The following COL5A2 variants were observed in gnomAD, a reference collection of about 807,000 sequenced individuals.
COL5A2 encodes collagen alpha-2(V) chain.
Under a neutral mutation model 208.2 loss-of-function variants are expected in COL5A2, and 23 were observed. The observed-to-expected ratio is 0.11, with a 90% CI of 0.08 to 0.16. The LOEUF is 0.16. Ranked by LOEUF, COL5A2 falls within the 10% of genes least tolerant of loss-of-function variation. The pLI is 1.00. For synonymous variants in COL5A2, 625 were observed against 628.5 expected, an observed-to-expected ratio of 0.99 and a Z score of 0.08; for missense variants, 1,590 against 1,956.4, an observed-to-expected ratio of 0.81 and a Z score of 3.53.
chr2:189,057,463 A>C (rs1465991625), intron 33 of COL5A2, 36 bp from the exon 34 acceptor site: 1 of 1,452,046 alleles, frequency 6.9e-7, no homozygotes, highest in East Asian at 2.3e-5. Flanking sequence ...CATACCAATA[A>C]TATTAAGATT....
chr2:189,054,598 TATA>T (rs757022226), intron 35 of COL5A2, among the ~76,000 whole-genome samples: 3 of 152,028 alleles, frequency 2.0e-5, no homozygotes, highest in African/African-American at 4.8e-5. Flanking sequence ...TTCTTTTGCA[TATA>T]ATATTATATT....
chr2:189,271,637 AC>A, the COL5A2 span, among the ~76,000 whole-genome samples: 17 of 152,346 alleles, frequency 1.1e-4, no homozygotes, highest in African/African-American at 4.1e-4. Flanking sequence ...AGCAATGGCG[AC>A]AAAAGCCAAA....
chr2:189,045,228 G>A lies in COL5A2; in HGVS notation c.3314C>T (p.Ser1105Phe). Residue 1105 changes from serine (S) to phenylalanine (F), a missense_variant, in exon 47 of 54, where the codon TCT (serine) becomes TTT (phenylalanine). By Grantham distance (155) the Ser-to-Phe change is radical. Coordinates refer to ENST00000374866, the MANE Select transcript of COL5A2 (RefSeq NM_000393.5). ...GDAGQRGDPG[S>F]RGPIGPPGRA... Reference sequence around the variant, plus strand: ...ACCAGGTGGTCCTATAGGACCCCGAGAACCCTAAAAGAAATTTACAACAAA... The same window carrying A: ...ACCAGGTGGTCCTATAGGACCCCGAAAACCCTAAAAGAAATTTACAACAAA... The A allele has an allele frequency of 6.2e-7, 1 of 1,606,806 alleles. No individual in the cohort carries two copies. The highest frequency in any genetic ancestry group is 8.5e-7 in the Non-Finnish European group (1 of 1,176,368).
Position 189,066,392 on chromosome 2 carries a change from T to C in COL5A2, c.1561A>G (p.Arg521Gly). ...TVGPPGPVGE[R>G]GAPGNRGFPG... The stretch of plus-strand genomic sequence containing the variant: ...TGTGTTGTATTATTTAAATTTACCC[T>C]TTCTCCCACTGGCCCTGGAGGACCA... The change falls in exon 23 of 54, where the codon AGG becomes GGG. Residue 521 changes from arginine (R) to glycine (G), a missense_variant and splice_region_variant. By Grantham distance (125) the Arg-to-Gly change is moderately radical. Transcript: ENST00000374866. The C allele has an allele frequency of 1.2e-6, 2 of 1,612,760 alleles. No homozygotes were observed. Among genetic ancestry groups the C allele is most frequent in the South Asian group, 1.1e-5 (1 of 91,048 alleles).
chr2:189,216,060 TC>T (rs1234305935), intron 1 of COL5A2, among the ~76,000 whole-genome samples: 1 of 152,066 alleles, frequency 6.6e-6, no homozygotes, highest in Non-Finnish European at 1.5e-5. Context: ...AAGAACTCAT[TC>T]CTCCTATAAA....
chr2:189,099,198 A>G (rs1423479195), intron 4 of COL5A2, among the ~76,000 whole-genome samples: 2 of 152,244 alleles, frequency 1.3e-5, no homozygotes, highest in Non-Finnish European at 1.5e-5. Flanking sequence ...AAGACATAGT[A>G]AGCACACATA....
chr2:189,245,218 T>A, the COL5A2 span, among the ~76,000 whole-genome samples: 1 of 152,162 alleles, frequency 6.6e-6, no homozygotes, highest in Non-Finnish European at 1.5e-5. Flanking sequence ...TTGAGAGCAG[T>A]GTTCACGCTT....
intron 9 of COL5A2, 42 bp downstream of exon 9, chr2:189,086,684 A>T: frequency 6.8e-7 from 1 of 1,461,512 alleles, no homozygotes; most frequent in South Asian, 1.2e-5. Context: ...GTGTGTGTGT[A>T]TGTTTTTCTT....
the COL5A2 span, among the ~76,000 whole-genome samples, chr2:189,408,352 C>T: frequency 2.0e-5 from 3 of 152,128 alleles, no homozygotes; most frequent in Non-Finnish European, 1.5e-5. Context: ...GCCATACACC[C>T]AGTTTTGATT....
chr2:189,032,903 A>G lies in COL5A2; in HGVS notation c.*1167T>C, dbSNP rs1211893043. 2.0e-5 allele frequency: 3 copies of G among 152,606 alleles called. No homozygotes were observed. In the East Asian group the frequency reaches 5.8e-4, roughly 29 times the overall value. 9.5% of individuals were successfully genotyped at this position (152,606 alleles called of 1,614,324 possible). ...CCATCATTAAAGGAAAAATAATAAT[A>G]CCTTTTTAGCCCTGCCTATCTCCAG... On this transcript the variant is annotated 3_prime_UTR_variant, in exon 54 of 54. Transcript: ENST00000374866.
the COL5A2 span, among the ~76,000 whole-genome samples, chr2:189,388,496 C>T: frequency 6.6e-6 from 1 of 152,096 alleles, no homozygotes; most frequent in Admixed American, 6.6e-5. Flanking sequence ...GATAAGTGGG[C>T]AAGGACCAGG....
intron 1 of COL5A2, among the ~76,000 whole-genome samples, chr2:189,115,290 C>A (rs1476356394): frequency 1.3e-5 from 2 of 152,000 alleles, no homozygotes; most frequent in Non-Finnish European, 2.9e-5. Flanking sequence ...CACTAGATGG[C>A]AGACCAAATC....
intron 50 of COL5A2, among the ~76,000 whole-genome samples, chr2:189,040,666 T>C (rs1357160775): frequency 1.3e-5 from 2 of 152,214 alleles, no homozygotes; most frequent in Non-Finnish European, 2.9e-5. Flanking sequence ...TAATTTTTTT[T>C]TCTTCCTGTC....
At chr2:189,277,007 A>C in the COL5A2 span, among the ~76,000 whole-genome samples, 10 of 152,162 alleles carry the variant, frequency 6.6e-5, no homozygotes, top group Non-Finnish European at 2.9e-5. Context: ...AGTAAAACAC[A>C]TCTGCATTTG....
At chr2:189,266,939 AAAATATTTGTTATATTAATGAAAAT>A in the COL5A2 span, among the ~76,000 whole-genome samples, 1 of 151,730 alleles carries the variant, frequency 6.6e-6, no homozygotes, top group Non-Finnish European at 1.5e-5. Context: ...AAAATCTCTA[AAAATATTTGTTATATTAATGAAAAT>A]AAATATTATA....
At chr2:189,228,983 G>T (rs1221331587), upstream of COL5A2, among the ~76,000 whole-genome samples, 1 of 151,798 alleles carries the variant, frequency 6.6e-6, no homozygotes, top group Non-Finnish European at 1.5e-5. Context: ...ATTTATCCCT[G>T]GGATGCAAGG....
At chr2:189,072,809 T>C (rs1686306604) in intron 17 of COL5A2, among the ~76,000 whole-genome samples, 1 of 143,404 alleles carries the variant, frequency 7.0e-6, no homozygotes, top group South Asian at 2.3e-4. Flanking sequence ...TTTAGAGAGG[T>C]TTTTCAGGCA....
At chr2:189,366,232 T>C in the COL5A2 span, among the ~76,000 whole-genome samples, 1 of 152,184 alleles carries the variant, frequency 6.6e-6, no homozygotes, top group Admixed American at 6.5e-5. Flanking sequence ...TTATTCATAT[T>C]TTCCCTCTTT....
At chr2:189,100,205 T>G in intron 3 of COL5A2, 66 bp from the exon 4 acceptor site, 1 of 1,268,044 alleles carries the variant, frequency 7.9e-7, no homozygotes, top group South Asian at 1.2e-5. Context: ...GGCAAAAACA[T>G]GTCACCCTAG....
Sources: allele counts gnomAD v4.1 joint callset (sites outside exome capture counted in the v4.1 genomes callset), GRCh38; gene constraint gnomAD v4.1.1; transcripts MANE v1.5; gene names NCBI Gene and HGNC (gene_info 2026-07-23, HGNC 2026-07-21).